Variants in TMEM156 observed in about 807,000 individuals in gnomAD.
TMEM156 encodes the protein transmembrane protein 156.
A neutral mutation model predicts 30.5 loss-of-function variants in TMEM156; 28 were observed. The ratio of observed to expected loss-of-function variants is 0.92; its 90% confidence interval spans 0.68 to 1.26. The LOEUF (loss-of-function observed/expected upper bound fraction) is 1.26. Ranked by LOEUF, TMEM156 falls within the 50% of genes most tolerant of loss-of-function variation. The pLI, the probability that TMEM156 is intolerant of heterozygous loss-of-function variation, is 0.00. For missense variants in TMEM156, 351 were observed against 340.6 expected (o/e 1.03, Z -0.24); for synonymous variants, 137 against 119.9 (o/e 1.14, Z -0.93).
At chr4:38,982,815 A>G (rs1560359319) in intron 5 of TMEM156, among the ~76,000 whole-genome samples, 1 of 152,220 alleles carries the variant, frequency 6.6e-6, no homozygotes, top group Non-Finnish European at 1.5e-5. Context: ...GAGATATGAA[A>G]TGAACTTTTC....
chr4:38,971,009 G>A (rs1409191186), intron 6 of TMEM156, 23 bp downstream of exon 6: 22 of 1,456,762 alleles, frequency 1.5e-5, no homozygotes, highest in Non-Finnish European at 2.0e-5. Flanking sequence ...TGAAGAAGTC[G>A]ATAAAGCCGA....
At chr4:38,998,962 G>T (rs1377005254) in intron 1 of TMEM156, 53 bp from the exon 2 acceptor site, 158 of 1,518,408 alleles carry the variant, frequency 1.0e-4, no homozygotes, top group Non-Finnish European at 1.4e-4. Context: ...TGAGTTTTTG[G>T]CATTCAAATA....
At chr4:38,979,442 T>A (rs1390098570) in intron 5 of TMEM156, among the ~76,000 whole-genome samples, 1 of 152,194 alleles carries the variant, frequency 6.6e-6, no homozygotes, top group South Asian at 2.1e-4. Context: ...TAAAATGAGA[T>A]GAGAACTGTG....
intron 1 of TMEM156, among the ~76,000 whole-genome samples, chr4:38,999,116 T>TATTTA (rs760049654): frequency 3.8e-5 from 4 of 105,440 alleles, no homozygotes; most frequent in Non-Finnish European, 8.4e-5. Flanking sequence ...ATTTATTTTT[T>TATTTA]TTTTTTTTTT....
rs887964789 is a variant in TMEM156 at position 38,969,968 on chromosome 4, T to G, written c.*38+1064A>C. On this transcript the variant is annotated intron_variant, in intron 6 of 6. Coordinates refer to ENST00000381938, the MANE Select transcript of TMEM156 (RefSeq NM_024943.3). Reference sequence around the variant, plus strand: ...AAGAGTAGTTCTATTTTAAGTTTTTTGAGAAATATCCTACTGTTTTCTGTA... The same window carrying G: ...AAGAGTAGTTCTATTTTAAGTTTTTGGAGAAATATCCTACTGTTTTCTGTA... Among the ~76,000 whole-genome samples, 12 of 152,236 alleles carry G rather than the reference T, an allele frequency of 7.9e-5. 1 individual carries two copies. Among genetic ancestry groups the G allele is most frequent in the Non-Finnish European group, 1.6e-4 (11 of 68,040 alleles).
intron 1 of TMEM156, among the ~76,000 whole-genome samples, chr4:39,011,899 G>T (rs542808768): frequency 7.2e-4 from 110 of 152,266 alleles, no homozygotes; most frequent in Admixed American, 7.2e-4. Flanking sequence ...ATTATCCCAA[G>T]CAAATTAATG....
chr4:38,992,724 A>ATATATATATAATATATAATATATTATAT, intron 3 of TMEM156, among the ~76,000 whole-genome samples: 1 of 53,616 alleles, frequency 1.9e-5, no homozygotes, highest in Non-Finnish European at 3.7e-5. Flanking sequence ...ATATATATAT[A>ATATATATATAATATATAATATATTATAT]ATATATATAT....
At chr4:39,012,914 T>C (rs1157380280) in intron 1 of TMEM156, among the ~76,000 whole-genome samples, 1 of 150,568 alleles carries the variant, frequency 6.6e-6, no homozygotes, top group African/African-American at 2.5e-5. Flanking sequence ...CACTCCAGCC[T>C]GGGCAACAGA....
chr4:39,025,619 A>G (rs1277733899), intron 1 of TMEM156, among the ~76,000 whole-genome samples: 1 of 152,162 alleles, frequency 6.6e-6, no homozygotes, highest in East Asian at 1.9e-4. Context: ...AAAGTTTGGG[A>G]TAACTTTCGA....
In TMEM156 at chr4:38,967,557, C is replaced by T. The variant is rs1037733806; in HGVS notation, c.*123G>A. 1 of 152,210 alleles carries T rather than the reference C, an allele frequency of 6.6e-6. No homozygotes were observed. Among genetic ancestry groups the T allele is most frequent in the Admixed American group, 6.5e-5 (1 of 15,284 alleles). 9.4% of individuals were successfully genotyped at this position (152,210 alleles called of 1,614,324 possible). On this transcript the variant is annotated 3_prime_UTR_variant, in exon 7 of 7. Coordinates refer to ENST00000381938, the MANE Select transcript of TMEM156 (RefSeq NM_024943.3). The stretch of plus-strand genomic sequence containing the variant: ...TTCCAACTGTGCATCCTCAGCTGGA[C>T]ACAAACATTTTCCAGTCTACTCATT...
intron 5 of TMEM156, among the ~76,000 whole-genome samples, chr4:38,974,390 T>A (rs924156580): frequency 9.9e-5 from 15 of 151,920 alleles, no homozygotes; most frequent in Middle Eastern, 3.4e-3. Flanking sequence ...TTAGACTCAA[T>A]CTTTCTTGGA....
At chr4:38,991,460 A>G (rs1712458654) in intron 3 of TMEM156, among the ~76,000 whole-genome samples, 1 of 151,790 alleles carries the variant, frequency 6.6e-6, no homozygotes, top group Non-Finnish European at 1.5e-5. Flanking sequence ...TGCTCAAGCA[A>G]TACACCCACC....
At chr4:39,005,891 G>A (rs10025995) in intron 1 of TMEM156, among the ~76,000 whole-genome samples, 16,960 of 152,098 alleles carry the variant, frequency 0.11, 1,270 homozygotes, top group South Asian at 0.22. Flanking sequence ...CACCCGCAGT[G>A]TATAAAAATT....
chr4:38,990,830 G>GTTTTTTTTTTTTT lies in TMEM156; in HGVS notation c.620-1873_620-1861dup, dbSNP rs71304784. ...CTTTGTTTTTTTGGTTTGTTTTCTG[G>GTTTTTTTTTTTTT]TTTTTTTTTTTTTTTTTTTTTTTGA... On this transcript the variant is annotated intron_variant, in intron 3 of 6. Coordinates refer to ENST00000381938, the MANE Select transcript of TMEM156 (RefSeq NM_024943.3). Among the ~76,000 whole-genome samples, 80 of 81,216 alleles carry GTTTTTTTTTTTTT rather than the reference G, an allele frequency of 9.9e-4. 9 individuals carry two copies. In the East Asian group the frequency reaches 0.016, roughly 16 times the overall value. 53.3% of individuals were successfully genotyped at this position (81,216 alleles called of 152,430 possible).
intron 1 of TMEM156, among the ~76,000 whole-genome samples, chr4:39,025,653 G>A (rs1039935201): frequency 8.5e-5 from 13 of 152,262 alleles, no homozygotes; most frequent in Admixed American, 7.8e-4. Flanking sequence ...TATTTGAAAG[G>A]CAGGTTTGAG....
chr4:38,978,407 G>C (rs2109881611), intron 5 of TMEM156, among the ~76,000 whole-genome samples: 1 of 152,248 alleles, frequency 6.6e-6, no homozygotes, highest in East Asian at 1.9e-4. Context: ...CACAAAGCTG[G>C]TATTCTGGGC....
At position 38,993,840 on chromosome 4, in the gene TMEM156, C is replaced by A. The variant is rs191093925; in HGVS notation, c.517G>T (p.Asp173Tyr). The change falls in exon 3 of 7, where the codon GAT becomes TAT. Residue 173 changes from aspartate to tyrosine, a missense_variant. Coordinates refer to ENST00000381938, the MANE Select transcript of TMEM156 (RefSeq NM_024943.3). ...ATCGATTTCTCCTTGCTTGGCTCAT[C>A]CTCCATGATTGTTGATCTTCCAGTG... ...NHTGRSTIME[D>Y]EPSKEKSINY... 86 of 1,614,060 alleles carry A rather than the reference C, an allele frequency of 5.3e-5. 2 individuals are homozygous for A. In the East Asian group the frequency reaches 1.9e-3, roughly 35 times the overall value.
intron 3 of TMEM156, among the ~76,000 whole-genome samples, chr4:38,989,635 T>G (rs9683913): frequency 0.71 from 107,333 of 151,998 alleles, 38,002 homozygotes; most frequent in East Asian, 0.79. Flanking sequence ...GGGAAGGATG[T>G]TCACCATGCA....
intron 1 of TMEM156, among the ~76,000 whole-genome samples, chr4:39,012,603 C>T (rs1162545479): frequency 1.3e-5 from 2 of 152,046 alleles, no homozygotes; most frequent in Non-Finnish European, 2.9e-5. Flanking sequence ...GTCAGGAGTT[C>T]GAGACCAGCC....
Sources: gnomAD v4.1 joint callset for allele counts (sites outside exome capture counted in the v4.1 genomes callset) on GRCh38, gnomAD v4.1.1 for gene constraint, MANE v1.5 for transcripts, NCBI Gene and HGNC (gene_info 2026-07-23, HGNC 2026-07-21) for gene names.